The following RNF180 variants were observed in gnomAD, a reference collection of about 807,000 sequenced individuals.
RNF180 encodes the protein ring finger protein 180.
A neutral mutation model predicts 59.2 loss-of-function variants in RNF180; 38 were observed. That is an observed-to-expected ratio of 0.64 (90% CI 0.50 to 0.84). The LOEUF (loss-of-function observed/expected upper bound fraction) is 0.84. Ranked by LOEUF, RNF180 falls within the 40% of genes least tolerant of loss-of-function variation. The pLI is 0.00. For synonymous variants in RNF180, 262 were observed against 240.3 expected, an observed-to-expected ratio of 1.09 and a Z score of -0.84; for missense variants, 705 against 700.9, an observed-to-expected ratio of 1.01 and a Z score of -0.07.
chr5:64,357,193 G>A (rs971773865), intron 7 of RNF180, among the ~76,000 whole-genome samples: 43 of 151,576 alleles, frequency 2.8e-4, no homozygotes, highest in African/African-American at 1.0e-3. Flanking sequence ...TTTACTCTAG[G>A]AGCCTAAGGG....
At chr5:64,254,387 T>C (rs1308229956) in intron 5 of RNF180, among the ~76,000 whole-genome samples, 2 of 152,202 alleles carry the variant, frequency 1.3e-5, no homozygotes, top group Admixed American at 1.3e-4. Flanking sequence ...TGGTAATGTA[T>C]GGCTCTTCAA....
At chr5:64,325,690 T>C (rs1744602846) in intron 6 of RNF180, among the ~76,000 whole-genome samples, 1 of 152,196 alleles carries the variant, frequency 6.6e-6, no homozygotes, top group Admixed American at 6.5e-5. Flanking sequence ...GGAAGTTCCA[T>C]TTGAAGCAGT....
At chr5:64,369,165 A>G (rs549116460) in intron 7 of RNF180, among the ~76,000 whole-genome samples, 1 of 152,176 alleles carries the variant, frequency 6.6e-6, no homozygotes, top group East Asian at 1.9e-4. Flanking sequence ...TTGTGGGGAC[A>G]TGGATGAAAT....
chr5:64,294,142 T>G (rs761789526), intron 5 of RNF180, among the ~76,000 whole-genome samples: 4 of 152,150 alleles, frequency 2.6e-5, no homozygotes, highest in Non-Finnish European at 4.4e-5. Flanking sequence ...GAGTGACATT[T>G]TAAAAATCAA....
chr5:64,216,332 A>C (rs1300702616), intron 4 of RNF180, among the ~76,000 whole-genome samples: 4 of 152,166 alleles, frequency 2.6e-5, no homozygotes, highest in African/African-American at 9.6e-5. Flanking sequence ...ATCTGAGATA[A>C]ATTAATGGCA....
intron 1 of RNF180, among the ~76,000 whole-genome samples, chr5:64,174,442 C>T (rs1225943304): frequency 2.0e-5 from 3 of 152,118 alleles, no homozygotes; most frequent in Non-Finnish European, 2.9e-5. Flanking sequence ...AAGAATTCCT[C>T]GTTCTTCATA....
rs187664798 is a variant in RNF180, at chr5:64,223,354, A to G, written c.1227+5958A>G. Reference sequence around the variant, plus strand: ...GGGTCCTTAACTTAATCATAGCTGCAAAGTCCCCTTTCCCATGTAAGGTAG... The same window carrying G: ...GGGTCCTTAACTTAATCATAGCTGCGAAGTCCCCTTTCCCATGTAAGGTAG... On this transcript the variant is annotated intron_variant, in intron 5 of 7. Transcript: ENST00000389100. 4.2e-4 allele frequency among the ~76,000 whole-genome samples: 64 copies of G among 152,318 alleles called. 1 individual carries two copies. The highest frequency in any genetic ancestry group is 4.0e-3 in the Admixed American group (61 of 15,294).
intron 5 of RNF180, among the ~76,000 whole-genome samples, chr5:64,317,921 G>C (rs1359943014): frequency 6.6e-6 from 1 of 152,134 alleles, no homozygotes; most frequent in Non-Finnish European, 1.5e-5. Context: ...GCCCACAGTT[G>C]GGCAAAATCT....
At chr5:64,191,803 T>A (rs1751175388) in intron 1 of RNF180, among the ~76,000 whole-genome samples, 2 of 152,192 alleles carry the variant, frequency 1.3e-5, no homozygotes, top group Admixed American at 6.5e-5. Flanking sequence ...TTTAATGTAG[T>A]TTTACTTGTC....
chr5:64,213,815 C>T lies in RNF180; in HGVS notation c.489C>T (p.His163=). 1.2e-6 allele frequency: 2 copies of T among 1,614,152 alleles called. No homozygotes were observed. Among genetic ancestry groups the T allele is most frequent in the Admixed American group, 1.7e-5 (1 of 60,004 alleles). The change falls in exon 4 of 8, where the codon CAC becomes CAT. Residue 163 remains histidine (H), a synonymous_variant. Transcript: ENST00000389100. Reference sequence around the variant, plus strand: ...GTGGTGGCTCTGAAAACAGAAATCACAGGCTTTTAAACATGGCCCGAAATA... The same window carrying T: ...GTGGTGGCTCTGAAAACAGAAATCATAGGCTTTTAAACATGGCCCGAAATA... ...LTGGGSENRN[H]RLLNMARNNN... is the part of the protein sequence containing the mutation.
chr5:64,299,987 C>T (rs898652579), intron 5 of RNF180, among the ~76,000 whole-genome samples: 1 of 151,642 alleles, frequency 6.6e-6, no homozygotes, highest in African/African-American at 2.4e-5. Context: ...ACACTCCCTG[C>T]CCATTAGTCA....
intron 1 of RNF180, among the ~76,000 whole-genome samples, chr5:64,183,613 A>G (rs1750726436): frequency 6.6e-6 from 1 of 151,856 alleles, no homozygotes; most frequent in South Asian, 2.1e-4. Flanking sequence ...ACACCTGGCT[A>G]ATTTTTGTAT....
rs1742948738 is a variant in RNF180, at chr5:64,297,527, T to C, written c.1228-27659T>C. ...TTTTTCCTTTATATAAATTCATGGG[T>C]TACAATTGCAGTTTTGTTGCATACA... On this transcript the variant is annotated intron_variant, in intron 5 of 7. Coordinates refer to ENST00000389100, the MANE Select transcript of RNF180 (RefSeq NM_001113561.2). Among the ~76,000 whole-genome samples the C allele has an allele frequency of 2.0e-5, 3 of 152,194 alleles. No homozygotes were observed. The South Asian group carries it at 6.2e-4, about 32-fold the overall frequency.
chr5:64,302,966 C>T (rs1259367403), intron 5 of RNF180, among the ~76,000 whole-genome samples: 3 of 151,756 alleles, frequency 2.0e-5, no homozygotes, highest in East Asian at 3.9e-4. Flanking sequence ...TGTGACAACC[C>T]TGCATTGAGC....
chr5:64,225,788 C>A (rs1490240888), intron 5 of RNF180, among the ~76,000 whole-genome samples: 3 of 134,452 alleles, frequency 2.2e-5, no homozygotes, highest in Non-Finnish European at 4.7e-5. Flanking sequence ...GCCCAGCCTC[C>A]CTTTGGCTGG....
chr5:64,295,098 A>G (rs990198351), intron 5 of RNF180, among the ~76,000 whole-genome samples: 4 of 152,216 alleles, frequency 2.6e-5, no homozygotes, highest in East Asian at 1.9e-4. Context: ...TGTTGAGTAT[A>G]TAAGTTTTTT....
At chr5:64,236,380 C>A (rs752110816) in intron 5 of RNF180, among the ~76,000 whole-genome samples, 2 of 152,264 alleles carry the variant, frequency 1.3e-5, no homozygotes, top group South Asian at 2.1e-4. Flanking sequence ...TTCGAAGCAG[C>A]AAAGCATTCA....
At chr5:64,226,224 A>G (rs1418713494) in intron 5 of RNF180, among the ~76,000 whole-genome samples, 1 of 152,164 alleles carries the variant, frequency 6.6e-6, no homozygotes, top group Non-Finnish European at 1.5e-5. Flanking sequence ...GTCGAAAAGA[A>G]AAGGGGGAAA....
intron 5 of RNF180, among the ~76,000 whole-genome samples, chr5:64,257,516 C>T (rs900088924): frequency 8.5e-5 from 13 of 152,192 alleles, no homozygotes; most frequent in South Asian, 6.2e-4. Flanking sequence ...TATTGATTTG[C>T]GTATGTTGAA....
Sources: allele counts gnomAD v4.1 joint callset (sites outside exome capture counted in the v4.1 genomes callset), GRCh38; gene constraint gnomAD v4.1.1; transcripts MANE v1.5; gene names NCBI Gene and HGNC (gene_info 2026-07-23, HGNC 2026-07-21).